The following UTS2 variants were observed in gnomAD, a reference collection of about 807,000 sequenced individuals.
The protein encoded by UTS2 is urotensin-2.
In UTS2, 10 loss-of-function variants were observed where a neutral mutation model predicts 12.6. The observed-to-expected ratio is 0.80, with a 90% CI of 0.49 to 1.35. The LOEUF (loss-of-function observed/expected upper bound fraction) is 1.35. Among genes scored for constraint, UTS2 ranks in the 40% most tolerant of loss-of-function variants. UTS2 has a pLI of 0.00. For synonymous variants in UTS2, 52 were observed against 50.0 expected, an observed-to-expected ratio of 1.04 and a Z score of -0.17; for missense variants, 142 against 143.2, an observed-to-expected ratio of 0.99 and a Z score of 0.04.
chr1:7,847,951 A>T, intron 3 of UTS2, 69 bp from the exon 4 acceptor site: 1 of 1,143,526 alleles, frequency 8.7e-7, no homozygotes, highest in Non-Finnish European at 1.3e-6. Context: ...GACGATTCCT[A>T]TAAGAAAAAG....
the UTS2 span, among the ~76,000 whole-genome samples, chr1:7,898,753 T>C: frequency 5.3e-5 from 8 of 152,120 alleles, no homozygotes; most frequent in African/African-American, 1.9e-4. Flanking sequence ...TAGAGTTATA[T>C]GAAGGTTTGG....
chr1:7,893,211 C>A, the UTS2 span, among the ~76,000 whole-genome samples: 1 of 152,116 alleles, frequency 6.6e-6, no homozygotes, highest in East Asian at 1.9e-4. Flanking sequence ...ATAGTAGGAA[C>A]AAAATATTAA....
the UTS2 span, among the ~76,000 whole-genome samples, chr1:7,894,734 C>T: frequency 6.7e-6 from 1 of 149,246 alleles, no homozygotes; most frequent in African/African-American, 2.5e-5. Context: ...GTGATCCCAA[C>T]ACTTTGGGAG....
At chr1:7,899,910 C>G in the UTS2 span, among the ~76,000 whole-genome samples, 1 of 152,148 alleles carries the variant, frequency 6.6e-6, no homozygotes, top group Non-Finnish European at 1.5e-5. Context: ...TGCTTCCAGG[C>G]TCACTGTGTG....
chr1:7,905,206 C>T, the UTS2 span, among the ~76,000 whole-genome samples: 1 of 150,164 alleles, frequency 6.7e-6, no homozygotes, highest in African/African-American at 2.5e-5. Context: ...TGTAATGGCG[C>T]GATCTTGGCT....
the UTS2 span, among the ~76,000 whole-genome samples, chr1:7,862,163 G>A: frequency 1.3e-5 from 2 of 148,596 alleles, no homozygotes; most frequent in African/African-American, 2.5e-5. Flanking sequence ...TTCCCCCCCC[G>A]CCCCCGCAAC....
chr1:7,879,588 A>G, the UTS2 span, among the ~76,000 whole-genome samples: 1 of 152,104 alleles, frequency 6.6e-6, no homozygotes, highest in African/African-American at 2.4e-5. Flanking sequence ...TAAAAATACA[A>G]AAATTAGCTT....
the UTS2 span, among the ~76,000 whole-genome samples, chr1:7,871,229 G>A: frequency 1.3e-5 from 2 of 152,220 alleles, no homozygotes; most frequent in Non-Finnish European, 2.9e-5. Context: ...TCTTGTCTGA[G>A]TTGGTGTTTG....
chr1:7,892,255 G>A, the UTS2 span, among the ~76,000 whole-genome samples: 4 of 152,090 alleles, frequency 2.6e-5, no homozygotes, highest in African/African-American at 9.7e-5. Context: ...TGGAGGTCAG[G>A]AGTCTGAAAT....
the UTS2 span, among the ~76,000 whole-genome samples, chr1:7,858,689 T>C: frequency 6.6e-6 from 1 of 152,158 alleles, no homozygotes; most frequent in East Asian, 1.9e-4. Context: ...CAAGTCCCTA[T>C]TCTCACGCTT....
chr1:7,860,102 T>C, the UTS2 span, among the ~76,000 whole-genome samples: 3 of 152,222 alleles, frequency 2.0e-5, no homozygotes, highest in Non-Finnish European at 4.4e-5. Flanking sequence ...ACATTGAGCA[T>C]GTGCCAGGGA....
At chr1:7,892,469 GTTTTTTTT>G in the UTS2 span, among the ~76,000 whole-genome samples, 4 of 77,752 alleles carry the variant, frequency 5.1e-5, no homozygotes, top group Middle Eastern at 0.014. Flanking sequence ...CCTCATGCAT[GTTTTTTTT>G]TTTTTTTTTT....
At chr1:7,856,313 C>G (rs759379946), upstream of UTS2, among the ~76,000 whole-genome samples, 1 of 152,208 alleles carries the variant, frequency 6.6e-6, no homozygotes. Context: ...CATTAACATA[C>G]GCTGTAGGAA....
chr1:7,877,257 T>A, the UTS2 span, among the ~76,000 whole-genome samples: 1 of 150,456 alleles, frequency 6.6e-6, no homozygotes, highest in East Asian at 2.0e-4. Context: ...CAGACTCCAA[T>A]GAAAAAGAGA....
At chr1:7,861,609 G>C in the UTS2 span, among the ~76,000 whole-genome samples, 4 of 152,212 alleles carry the variant, frequency 2.6e-5, no homozygotes, top group African/African-American at 9.7e-5. Flanking sequence ...CCTCACAGCA[G>C]CCTCCGCAGC....
chr1:7,910,277 G>A, the UTS2 span, among the ~76,000 whole-genome samples: 10 of 106,876 alleles, frequency 9.4e-5, no homozygotes, highest in Admixed American at 3.3e-4. Context: ...AACTCCCCCT[G>A]CCCGCCCACC....
At chr1:7,885,091 CCCATCATCCATGCATCCAT>C in the UTS2 span, among the ~76,000 whole-genome samples, 1 of 150,650 alleles carries the variant, frequency 6.6e-6, no homozygotes, top group East Asian at 2.0e-4. Context: ...CATCCATCCA[CCCATCATCCATGCATCCAT>C]TCATCCATCC....
chr1:7,905,511 T>A, the UTS2 span, among the ~76,000 whole-genome samples: 1 of 149,638 alleles, frequency 6.7e-6, no homozygotes, highest in Non-Finnish European at 1.5e-5. Context: ...TGGCAAAAAC[T>A]GCAATTACTT....
the UTS2 span, among the ~76,000 whole-genome samples, chr1:7,888,639 G>A: frequency 6.6e-6 from 1 of 152,230 alleles, no homozygotes; most frequent in Non-Finnish European, 1.5e-5. Context: ...CTAAGACGAA[G>A]GAGGTTAAAA....
Sources: gnomAD v4.1 joint callset for allele counts (sites outside exome capture counted in the v4.1 genomes callset) on GRCh38, gnomAD v4.1.1 for gene constraint, MANE v1.5 for transcripts, NCBI Gene and HGNC (gene_info 2026-07-23, HGNC 2026-07-21) for gene names.